WDHD1: variants seen among roughly 807,000 people sequenced by gnomAD.
WDHD1 encodes the protein WD repeat and HMG-box DNA-binding protein 1.
A neutral mutation model predicts 135.4 loss-of-function variants in WDHD1; 111 were observed. That is an observed-to-expected ratio of 0.82 (90% CI 0.70 to 0.96). The LOEUF (loss-of-function observed/expected upper bound fraction) is 0.96. Among genes scored for constraint, WDHD1 ranks in the 40% least tolerant of loss-of-function variants. The pLI is 0.00. For missense variants in WDHD1, 1,351 were observed against 1,336.3 expected, an observed-to-expected ratio of 1.01 and a Z score of -0.17; for synonymous variants, 434 against 439.0, an observed-to-expected ratio of 0.99 and a Z score of 0.14.
intron 24 of WDHD1, among the ~76,000 whole-genome samples, 163 bp downstream of exon 24, chr14:54,955,398 T>C (rs1566708507): frequency 6.6e-6 from 1 of 152,154 alleles, no homozygotes; most frequent in Non-Finnish European, 1.5e-5. Flanking sequence ...TAAATAGACA[T>C]TAATATTTGT....
chr14:54,967,046 A>C (rs543164197), intron 17 of WDHD1, among the ~76,000 whole-genome samples: 37 of 152,334 alleles, frequency 2.4e-4, no homozygotes, highest in Non-Finnish European at 4.7e-4. Context: ...GTCTTTCCCC[A>C]GTGGGTCTCT....
chr14:55,026,627 AT>A, intron 2 of WDHD1, 83 bp downstream of exon 2: 1 of 1,351,548 alleles, frequency 7.4e-7, no homozygotes. Flanking sequence ...CGCATGAGTC[AT>A]TTTTAGCTGA....
chr14:54,976,954 C>T (rs1476469283), intron 16 of WDHD1, among the ~76,000 whole-genome samples: 1 of 152,008 alleles, frequency 6.6e-6, no homozygotes, highest in African/African-American at 2.4e-5. Context: ...CAAATGCCTA[C>T]TGTATAAGAT....
chr14:54,979,736 T>C (rs1368568476), intron 16 of WDHD1, among the ~76,000 whole-genome samples: 1 of 152,236 alleles, frequency 6.6e-6, no homozygotes, highest in Non-Finnish European at 1.5e-5. Flanking sequence ...AGTATAAAAA[T>C]GAATACAGAG....
At chr14:55,016,098 G>A (rs2042258343) in intron 2 of WDHD1, among the ~76,000 whole-genome samples, 1 of 152,230 alleles carries the variant, frequency 6.6e-6, no homozygotes, top group African/African-American at 2.4e-5. Flanking sequence ...GTGAAATATA[G>A]TAGAATTAAT....
At chr14:54,967,794 T>A (rs2041369831) in intron 16 of WDHD1, among the ~76,000 whole-genome samples, 1 of 152,120 alleles carries the variant, frequency 6.6e-6, no homozygotes, top group Admixed American at 6.6e-5. Flanking sequence ...CTAACTTTTG[T>A]ATTTTCAGTA....
At chr14:54,992,173 G>A (rs1018729768) in intron 11 of WDHD1, among the ~76,000 whole-genome samples, 3 of 150,688 alleles carry the variant, frequency 2.0e-5, no homozygotes, top group East Asian at 2.0e-4. Context: ...CAGGAGAATC[G>A]CTTGAACCCG....
intron 24 of WDHD1, among the ~76,000 whole-genome samples, chr14:54,948,753 C>T (rs895775977): frequency 6.6e-6 from 1 of 152,188 alleles, no homozygotes; most frequent in African/African-American, 2.4e-5. Context: ...GGAGGCACCC[C>T]CCAGTAGGGG....
At chr14:54,970,896 A>T (rs1486373853) in intron 16 of WDHD1, among the ~76,000 whole-genome samples, 2 of 152,224 alleles carry the variant, frequency 1.3e-5, no homozygotes, top group African/African-American at 4.8e-5. Flanking sequence ...ACAGAAACAC[A>T]GACCAGTGGA....
chr14:54,981,035 C>T (rs1162641478), intron 16 of WDHD1, among the ~76,000 whole-genome samples: 1 of 152,012 alleles, frequency 6.6e-6, no homozygotes, highest in Non-Finnish European at 1.5e-5. Context: ...GGTGTGATCC[C>T]GTGAGGCGGA....
chr14:54,989,170 G>A lies in WDHD1; in HGVS notation c.1384C>T (p.Gln462Ter). Residue 462 changes from glutamine to a stop codon, truncating the protein, a stop_gained, in exon 13 of 26, where the codon CAA (glutamine) becomes TAA (stop). Coordinates refer to ENST00000360586, the MANE Select transcript of WDHD1 (RefSeq NM_007086.4). LOFTEE classifies it high-confidence loss of function. ...IGIIRCYNDE[Q>*]DNAIDVEFHD... ...AACTCCACATCTATGGCATTGTCTT[G>A]CTCATCATTATAGCAGCGAATAATT... The A allele has an allele frequency of 1.2e-6, 2 of 1,613,528 alleles. No individual in the cohort carries two copies. Among genetic ancestry groups the A allele is most frequent in the Non-Finnish European group, 1.7e-6 (2 of 1,179,734 alleles).
chr14:54,969,247 C>T (rs1274185976), intron 16 of WDHD1, among the ~76,000 whole-genome samples: 3 of 151,180 alleles, frequency 2.0e-5, no homozygotes, highest in Non-Finnish European at 2.9e-5. Context: ...ACCGTGGTCT[C>T]GATCTCCTGA....
chr14:54,972,188 T>C (rs2041445588), intron 16 of WDHD1, among the ~76,000 whole-genome samples: 1 of 147,776 alleles, frequency 6.8e-6, no homozygotes, highest in Non-Finnish European at 1.5e-5. Flanking sequence ...GGCAGGAGAA[T>C]GGGGTGAACC....
At chr14:54,957,310 A>G (rs930333500) in intron 22 of WDHD1, 106 bp from the exon 23 acceptor site, 6 of 1,228,406 alleles carry the variant, frequency 4.9e-6, no homozygotes, top group Non-Finnish European at 6.8e-6. Context: ...TTGCCATCTC[A>G]TCTTTAGAAC....
intron 24 of WDHD1, among the ~76,000 whole-genome samples, chr14:54,951,131 A>C (rs2041044272): frequency 6.6e-6 from 1 of 152,182 alleles, no homozygotes; most frequent in Admixed American, 6.6e-5. Context: ...AGCAGAAGGC[A>C]AGAAATAACT....
chr14:54,949,589 T>C (rs1266509179), intron 24 of WDHD1, among the ~76,000 whole-genome samples: 1 of 152,152 alleles, frequency 6.6e-6, no homozygotes, highest in East Asian at 1.9e-4. Context: ...CAGGATACTA[T>C]CCAGGAGAAC....
At chr14:54,972,571 AAAAAAAAAAAAAAAAAAAAT>A (rs1332756261) in intron 16 of WDHD1, among the ~76,000 whole-genome samples, 124 of 138,924 alleles carry the variant, frequency 8.9e-4, no homozygotes, top group African/African-American at 3.3e-3. Context: ...AAAAAAAAAA[AAAAAAAAAAAAAAAAAAAAT>A]GCCAATGAGG....
intron 24 of WDHD1, among the ~76,000 whole-genome samples, chr14:54,951,839 C>G (rs1003697467): frequency 6.6e-6 from 1 of 152,146 alleles, no homozygotes; most frequent in Non-Finnish European, 1.5e-5. Flanking sequence ...GTTCAACATT[C>G]GCAAATAAAT....
At chr14:55,005,834 G>T in intron 7 of WDHD1, 2 of 238,254 alleles carry the variant, frequency 8.4e-6, no homozygotes, top group South Asian at 7.0e-5. Flanking sequence ...ATTTTACTTT[G>T]TTTTCTTTTT....
Sources: gnomAD v4.1 joint callset for allele counts (sites outside exome capture counted in the v4.1 genomes callset) on GRCh38, gnomAD v4.1.1 for gene constraint, MANE v1.5 for transcripts, NCBI Gene and HGNC (gene_info 2026-07-23, HGNC 2026-07-21) for gene names.